The following USP4 variants were observed in gnomAD, a reference collection of about 807,000 sequenced individuals.
The protein encoded by USP4 is ubiquitin specific peptidase 4, also known as ubiquitin carboxyl-terminal hydrolase 4.
Under a neutral mutation model 118.2 loss-of-function variants are expected in USP4, and 72 were observed. That is an observed-to-expected ratio of 0.61 (90% CI 0.50 to 0.74). The LOEUF is 0.74. Ranked by LOEUF, USP4 falls within the 30% of genes least tolerant of loss-of-function variation. The pLI is 0.00. For synonymous variants in USP4, 415 were observed against 440.4 expected, an observed-to-expected ratio of 0.94 and a Z score of 0.72; for missense variants, 1,037 against 1,185.7, an observed-to-expected ratio of 0.87 and a Z score of 1.84.
At chr3:49,310,812 T>C (rs2047375057) in intron 7 of USP4, 75 bp from the exon 8 acceptor site, 2 of 1,139,778 alleles carry the variant, frequency 1.8e-6, no homozygotes, top group African/African-American at 1.5e-5. Flanking sequence ...TTGAGGCTCC[T>C]ATGGGGGCCT....
intron 2 of USP4, among the ~76,000 whole-genome samples, chr3:49,331,107 G>A (rs2047613201): frequency 6.6e-6 from 1 of 151,586 alleles, no homozygotes; most frequent in Admixed American, 6.6e-5. Context: ...AGTTACCTGA[G>A]GTCGAGAGTT....
At chr3:49,298,525 C>T (rs767993108) in intron 12 of USP4, 27 bp downstream of exon 12, 21 of 1,610,040 alleles carry the variant, frequency 1.3e-5, no homozygotes, top group South Asian at 4.4e-5. Flanking sequence ...CCAAATAGAC[C>T]GAGTGCCACT....
At chr3:49,295,321 T>C (rs1423435388) in intron 13 of USP4, among the ~76,000 whole-genome samples, 3 of 127,540 alleles carry the variant, frequency 2.4e-5, no homozygotes, top group Admixed American at 7.9e-5. Context: ...AAAAAAAGCA[T>C]TGAGTGCCCT....
At chr3:49,327,504 C>A (rs1027034230) in intron 3 of USP4, among the ~76,000 whole-genome samples, 182 bp downstream of exon 3, 4 of 152,102 alleles carry the variant, frequency 2.6e-5, no homozygotes, top group Non-Finnish European at 4.4e-5. Context: ...CCGTTGCACT[C>A]CAGCCTGGGC....
At chr3:49,337,407 T>C (rs2107808019) in intron 1 of USP4, among the ~76,000 whole-genome samples, 1 of 152,310 alleles carries the variant, frequency 6.6e-6, no homozygotes, top group African/African-American at 2.4e-5. Flanking sequence ...TACCACTTTT[T>C]TACTTAAATG....
At chr3:49,327,553 T>G in intron 3 of USP4, 133 bp downstream of exon 3, 1 of 925,506 alleles carries the variant, frequency 1.1e-6, no homozygotes, top group South Asian at 2.0e-5. Context: ...AAAAAAGAGA[T>G]CCAGAAACAA....
Position 49,305,249 on chromosome 3 carries a change from T to A in USP4, c.1128+466A>T, listed in dbSNP as rs568783904. Among the ~76,000 whole-genome samples, 617 of 145,822 alleles carry A rather than the reference T, an allele frequency of 4.2e-3. 4 individuals are homozygous for A. Among genetic ancestry groups the A allele is most frequent in the African/African-American group, 0.015 (579 of 39,414 alleles). ...CATCACACCTAGCTAATTTTTTTTT[T>A]ATGTATTTTTAGTAGAGACGGGGTT... On this transcript the variant is annotated intron_variant, in intron 9 of 21. Transcript: ENST00000265560.
chr3:49,317,509 CT>C (rs765427138), intron 6 of USP4: 12 of 626,904 alleles, frequency 1.9e-5, no homozygotes, highest in Middle Eastern at 2.5e-4. Flanking sequence ...GAGTTTCACT[CT>C]TTTTTTGTTT....
intron 15 of USP4, among the ~76,000 whole-genome samples, chr3:49,292,059 G>A (rs1021862211): frequency 2.0e-5 from 3 of 151,910 alleles, no homozygotes; most frequent in African/African-American, 7.3e-5. Context: ...CGCCCTCCTC[G>A]GACTCCCAAA....
At chr3:49,293,103 C>T (rs925630919) in intron 14 of USP4, among the ~76,000 whole-genome samples, 1 of 152,076 alleles carries the variant, frequency 6.6e-6, no homozygotes, top group Non-Finnish European at 1.5e-5. Context: ...AATGGCCAGG[C>T]ATGGTGGCTC....
rs368901486 is a variant in USP4 at position 49,301,016 on chromosome 3, A to C, written c.1288-325T>G. Among the ~76,000 whole-genome samples the C allele has an allele frequency of 8.5e-5, 13 of 152,186 alleles. No homozygotes were observed. In the East Asian group the frequency reaches 2.1e-3, roughly 25 times the overall value. On this transcript the variant is annotated intron_variant, in intron 10 of 21. Coordinates refer to ENST00000265560, the MANE Select transcript of USP4 (RefSeq NM_003363.4). ...CAGGCTGGCGTGATCATGGTTCACT[A>C]CAGCCTCAACCTCCCGGACTCAAAG... is the stretch of plus-strand genomic sequence containing the variant.
intron 8 of USP4, among the ~76,000 whole-genome samples, chr3:49,306,965 G>C (rs1186563588): frequency 6.6e-6 from 1 of 151,628 alleles, no homozygotes; most frequent in Non-Finnish European, 1.5e-5. Flanking sequence ...TGTATTTTTA[G>C]TAGAGATGGG....
intron 6 of USP4, chr3:49,312,882 T>C (rs1575613024): frequency 1.3e-5 from 2 of 151,580 alleles, no homozygotes; most frequent in Middle Eastern, 6.8e-3. Flanking sequence ...CTACATTTTT[T>C]TTCTTTTTTT....
At chr3:49,312,041 A>G (rs1444769414) in intron 6 of USP4, 2 of 308,212 alleles carry the variant, frequency 6.5e-6, no homozygotes, top group Non-Finnish European at 1.0e-5. Flanking sequence ...GAAATTAGCC[A>G]GGTCGCGCGT....
intron 15 of USP4, among the ~76,000 whole-genome samples, chr3:49,286,853 T>TCTATCTATCTAC (rs2047096237): frequency 6.6e-6 from 1 of 150,892 alleles, no homozygotes; most frequent in African/African-American, 2.4e-5. Flanking sequence ...TATCTATCTA[T>TCTATCTATCTAC]CTATCTATCT....
rs150087770 is a variant in USP4 at position 49,312,458 on chromosome 3, G to A, written c.696-804C>T. The A allele has an allele frequency of 2.7e-3, 1,232 of 453,012 alleles. 17 individuals carry two copies. The highest frequency in any genetic ancestry group is 0.021 in the African/African-American group (1,059 of 49,848). 28.1% of individuals were successfully genotyped at this position (453,012 alleles called of 1,614,324 possible). On this transcript the variant is annotated intron_variant, in intron 6 of 21. Coordinates refer to ENST00000265560, the MANE Select transcript of USP4 (RefSeq NM_003363.4). ...ACCACCGCACTCCAGCTTGGTGACA[G>A]AGTGAGACTCCATCTCAAAAAAAAA...
intron 6 of USP4, chr3:49,317,427 G>C (rs1300606184): frequency 5.3e-6 from 5 of 943,784 alleles, no homozygotes; most frequent in Non-Finnish European, 8.4e-6. Context: ...CCAGCTTGTT[G>C]TCGTAGTTCT....
At position 49,325,764 on chromosome 3, in the gene USP4, G is replaced by C. The variant is rs747239341; in HGVS notation, c.442C>G (p.Pro148Ala). ...LELKLCENSD[P>A]TNVLSCHFSK... ...AAATGGCAACTCAGCACATTGGTGG[G>C]GTCACTGTTCTCACAGAGCTTCAGT... The change falls in exon 4 of 22, where the codon CCC (proline) becomes GCC (alanine). Residue 148 changes from proline (P) to alanine (A), a missense_variant. Physicochemically the swap from Pro to Ala is conservative, Grantham distance 27 (BLOSUM62 -1). This residue lies in a region of USP4 where 487 missense variants were observed against 534.1 expected (regional missense o/e 0.91). Coordinates refer to ENST00000265560, the MANE Select transcript of USP4 (RefSeq NM_003363.4). 1.9e-6 allele frequency: 3 copies of C among 1,613,934 alleles called. No homozygotes were observed. In the East Asian group the frequency reaches 6.7e-5, roughly 36 times the overall value.
At position 49,282,852 on chromosome 3, in the gene USP4, C is replaced by T. The variant is rs868562908; in HGVS notation, c.2540+1135G>A. ...CCTCCCTAGTAGCTGGGATTACAGGCGTGCACCACCACATCCAGCTAATTT... is the reference window on the plus strand; with the variant it reads ...CCTCCCTAGTAGCTGGGATTACAGGTGTGCACCACCACATCCAGCTAATTT... On this transcript the variant is annotated intron_variant, in intron 19 of 21. Transcript: ENST00000265560. 5.3e-5 allele frequency among the ~76,000 whole-genome samples: 8 copies of T among 150,986 alleles called. No homozygotes were observed. The East Asian group carries it at 5.9e-4, about 11-fold the overall frequency.
Sources: gnomAD v4.1 joint callset for allele counts (sites outside exome capture counted in the v4.1 genomes callset) on GRCh38, gnomAD v4.1.1 for gene constraint, gnomAD v4.1.1 regional missense constraint, MANE v1.5 for transcripts, NCBI Gene and HGNC (gene_info 2026-07-23, HGNC 2026-07-21) for gene names.